ROBO1: variants seen among roughly 807,000 people sequenced by gnomAD.
The protein encoded by ROBO1 is roundabout guidance receptor 1.
A neutral mutation model predicts 195.9 loss-of-function variants in ROBO1; 149 were observed. The observed-to-expected ratio is 0.76, with a 90% confidence interval of 0.67 to 0.87. The LOEUF (loss-of-function observed/expected upper bound fraction) is 0.87, where lower values mean the gene tolerates loss of function less well. Ranked by LOEUF, ROBO1 falls within the 40% of genes least tolerant of loss-of-function variation. ROBO1 has a pLI of 0.00. For synonymous variants in ROBO1, 816 were observed against 733.2 expected (o/e 1.11, Z -1.82); for missense variants, 1,933 against 2,068.3 (o/e 0.93, Z 1.27).
intron 3 of ROBO1, among the ~76,000 whole-genome samples, chr3:78,957,618 A>C (rs1176593280): frequency 6.6e-6 from 1 of 152,180 alleles, no homozygotes; most frequent in African/African-American, 2.4e-5. Context: ...AGATTACATG[A>C]ATAGAGACCA....
chr3:78,766,659 A>C (rs959564237), intron 4 of ROBO1, among the ~76,000 whole-genome samples: 14 of 152,142 alleles, frequency 9.2e-5, no homozygotes, highest in Non-Finnish European at 1.3e-4. Flanking sequence ...ACTATGTTGA[A>C]GAGGAATGGT....
chr3:79,751,339 ATTAT>A (rs1387256380), intron 1 of ROBO1, among the ~76,000 whole-genome samples: 1 of 152,148 alleles, frequency 6.6e-6, no homozygotes, highest in African/African-American at 2.4e-5. Context: ...ATTAAAATGT[ATTAT>A]TAATTGCAAA....
At chr3:78,998,782 T>C (rs1197964083) in intron 3 of ROBO1, among the ~76,000 whole-genome samples, 1 of 152,120 alleles carries the variant, frequency 6.6e-6, no homozygotes, top group East Asian at 1.9e-4. Context: ...ATTAGTTTAA[T>C]AGCCTAATCC....
chr3:79,387,152 G>A (rs1325648992), intron 2 of ROBO1, among the ~76,000 whole-genome samples: 1 of 152,016 alleles, frequency 6.6e-6, no homozygotes, highest in African/African-American at 2.4e-5. Flanking sequence ...ACCATATTTA[G>A]TTTTAACTAA....
chr3:78,949,639 A>G (rs1264821223), intron 3 of ROBO1, among the ~76,000 whole-genome samples: 2 of 152,018 alleles, frequency 1.3e-5, no homozygotes, highest in Non-Finnish European at 2.9e-5. Context: ...AGCAATGGCA[A>G]CAAAAGCCAA....
intron 3 of ROBO1, among the ~76,000 whole-genome samples, chr3:79,044,730 C>A (rs1239096650): frequency 6.6e-6 from 1 of 151,816 alleles, no homozygotes; most frequent in Non-Finnish European, 1.5e-5. Context: ...AATAACTTAA[C>A]TAGAAAGTTT....
At chr3:78,777,971 T>C (rs1355389630) in intron 4 of ROBO1, among the ~76,000 whole-genome samples, 3 of 152,216 alleles carry the variant, frequency 2.0e-5, no homozygotes, top group East Asian at 1.9e-4. Flanking sequence ...GGCTGTGAGT[T>C]TGTCATAAAT....
At chr3:79,436,965 CA>C (rs2038909535) in intron 2 of ROBO1, among the ~76,000 whole-genome samples, 1 of 151,996 alleles carries the variant, frequency 6.6e-6, no homozygotes, top group Non-Finnish European at 1.5e-5. Context: ...CCTGATCAGG[CA>C]AATCTCTGAA....
chr3:79,081,542 C>T (rs1037741709), intron 3 of ROBO1, among the ~76,000 whole-genome samples: 1 of 152,146 alleles, frequency 6.6e-6, no homozygotes. Flanking sequence ...CCTGGGGATT[C>T]TAACAGTTTT....
chr3:79,389,478 A>G lies in ROBO1; in HGVS notation c.88+200346T>C, dbSNP rs189113754. 3.1e-3 allele frequency among the ~76,000 whole-genome samples: 475 copies of G among 152,288 alleles called. 2 individuals are homozygous for G. The highest frequency in any genetic ancestry group is 5.1e-3 in the Non-Finnish European group (349 of 68,014). ...TGGGAAAGGGACCTACAAATATGGA[A>G]TTGAGGAAAGAGGAAATAGAAAATA... is the stretch of plus-strand genomic sequence containing the variant. On this transcript the variant is annotated intron_variant, in intron 2 of 30. Transcript: ENST00000464233.
intron 1 of ROBO1, among the ~76,000 whole-genome samples, chr3:79,754,880 T>C (rs1223554265): frequency 6.6e-6 from 1 of 152,196 alleles, no homozygotes; most frequent in Non-Finnish European, 1.5e-5. Flanking sequence ...ATTTATTAAT[T>C]ATTTATTTAA....
intron 2 of ROBO1, among the ~76,000 whole-genome samples, chr3:79,451,587 G>A (rs1411440577): frequency 6.6e-6 from 1 of 152,120 alleles, no homozygotes; most frequent in Non-Finnish European, 1.5e-5. Context: ...ACATCCATTT[G>A]TGAAACAAAA....
At chr3:79,610,130 C>G (rs574645762) in intron 1 of ROBO1, among the ~76,000 whole-genome samples, 1 of 151,798 alleles carries the variant, frequency 6.6e-6, no homozygotes, top group South Asian at 2.1e-4. Flanking sequence ...CATTAGAAAA[C>G]TTCTGATCAT....
chr3:79,569,671 GTGTA>G (rs762965923), intron 2 of ROBO1, among the ~76,000 whole-genome samples: 134 of 108,266 alleles, frequency 1.2e-3, no homozygotes, highest in Middle Eastern at 8.8e-3. Context: ...GTGTGTGTGT[GTGTA>G]TATATGTGTG....
intron 4 of ROBO1, among the ~76,000 whole-genome samples, chr3:78,812,246 A>G (rs931364081): frequency 1.3e-5 from 2 of 152,156 alleles, no homozygotes; most frequent in Non-Finnish European, 2.9e-5. Context: ...CCTACTGCAG[A>G]GTAAAAGACA....
At chr3:79,483,921 A>G (rs1320892352) in intron 2 of ROBO1, among the ~76,000 whole-genome samples, 1 of 152,180 alleles carries the variant, frequency 6.6e-6, no homozygotes, top group Non-Finnish European at 1.5e-5. Flanking sequence ...AAGCTTTCTC[A>G]GTGGGAGAGT....
At chr3:78,901,160 T>C (rs1423522576) in intron 4 of ROBO1, among the ~76,000 whole-genome samples, 1 of 152,228 alleles carries the variant, frequency 6.6e-6, no homozygotes, top group Non-Finnish European at 1.5e-5. Flanking sequence ...GTAACTAGGA[T>C]ATATTGCTTG....
intron 2 of ROBO1, among the ~76,000 whole-genome samples, chr3:79,276,123 C>A (rs2031016593): frequency 6.6e-6 from 1 of 151,772 alleles, no homozygotes; most frequent in Non-Finnish European, 1.5e-5. Context: ...AAAAAATAAT[C>A]CTAAAATTTA....
chr3:79,464,339 CCAAA>C (rs763384419), intron 2 of ROBO1, among the ~76,000 whole-genome samples: 5 of 152,174 alleles, frequency 3.3e-5, no homozygotes, highest in Admixed American at 6.5e-5. Context: ...CAAGGAACTG[CCAAA>C]CAGTTTTCCA....
Sources: gnomAD v4.1 joint callset for allele counts (sites outside exome capture counted in the v4.1 genomes callset) on GRCh38, gnomAD v4.1.1 for gene constraint, MANE v1.5 for transcripts, NCBI Gene and HGNC (gene_info 2026-07-23, HGNC 2026-07-21) for gene names.